PCDHGB2: variants seen among roughly 807,000 people sequenced by gnomAD.
PCDHGB2 encodes protocadherin gamma-B2.
Under a neutral mutation model 59.3 loss-of-function variants are expected in PCDHGB2, and 55 were observed. That is an observed-to-expected ratio of 0.93 (90% CI 0.75 to 1.16). The LOEUF (loss-of-function observed/expected upper bound fraction) is 1.16. PCDHGB2 is among the 50% of genes most tolerant of loss of function. The pLI is 0.00. For synonymous variants in PCDHGB2, 516 were observed against 512.0 expected (o/e 1.01, Z -0.11); for missense variants, 1,228 against 1,198.5 (o/e 1.02, Z -0.36).
At chr5:141,433,272 C>A in intron 1 of PCDHGB2, 1 of 1,252,410 alleles carries the variant, frequency 8.0e-7, no homozygotes, top group Non-Finnish European at 1.1e-6. Context: ...TAGCTCACTG[C>A]AGCCTCAAAC....
chr5:141,383,727 A>G, intron 1 of PCDHGB2: 1 of 1,614,016 alleles, frequency 6.2e-7, no homozygotes, highest in South Asian at 1.1e-5. Flanking sequence ...TCAATGGGGA[A>G]GTGACATATT....
intron 1 of PCDHGB2, among the ~76,000 whole-genome samples, chr5:141,460,135 T>G (rs2098983196): frequency 6.6e-6 from 1 of 152,044 alleles, no homozygotes; most frequent in South Asian, 2.1e-4. Flanking sequence ...ATATATATAT[T>G]CTTGATGTGA....
At chr5:141,399,949 A>G in intron 1 of PCDHGB2, 1 of 1,612,272 alleles carries the variant, frequency 6.2e-7, no homozygotes, top group Non-Finnish European at 8.5e-7. Flanking sequence ...GCTGCAGGCT[A>G]GCGAGCCCGG....
In PCDHGB2 at chr5:141,423,305, A is replaced by G. The variant is rs746680027; in HGVS notation, c.2421+60749A>G. On this transcript the variant is annotated intron_variant, in intron 1 of 3. Coordinates refer to ENST00000522605, the MANE Select transcript of PCDHGB2 (RefSeq NM_018923.3). Reference sequence around the variant, plus strand: ...TCTGAAACCTCAGACCTCTCGCTGTACTTGGTGGTGGCGGTGGCCGCAGTC... The same window carrying G: ...TCTGAAACCTCAGACCTCTCGCTGTGCTTGGTGGTGGCGGTGGCCGCAGTC... 23 of 1,613,944 alleles carry G rather than the reference A, an allele frequency of 1.4e-5. No individual in the cohort carries two copies. Among genetic ancestry groups the G allele is most frequent in the Non-Finnish European group, 1.9e-5 (22 of 1,180,004 alleles).
intron 1 of PCDHGB2, among the ~76,000 whole-genome samples, chr5:141,470,877 T>C (rs1438812002): frequency 1.3e-5 from 2 of 151,808 alleles, no homozygotes; most frequent in Non-Finnish European, 2.9e-5. Context: ...TTTGTTTTTT[T>C]GTTTTTGTTT....
At chr5:141,500,866 A>C (rs576713520) in intron 2 of PCDHGB2, among the ~76,000 whole-genome samples, 1 of 146,112 alleles carries the variant, frequency 6.8e-6, no homozygotes, top group Non-Finnish European at 1.5e-5. Context: ...AAACATACAC[A>C]TTCATTTACA....
intron 1 of PCDHGB2, chr5:141,378,927 G>C (rs2150134897): frequency 6.6e-6 from 1 of 152,318 alleles, no homozygotes; most frequent in Admixed American, 6.5e-5. Context: ...AAAGTAAGTT[G>C]ATGGCCCTGG....
At chr5:141,474,807 A>C (rs945920397) in intron 1 of PCDHGB2, among the ~76,000 whole-genome samples, 8 of 152,364 alleles carry the variant, frequency 5.3e-5, no homozygotes, top group Admixed American at 1.3e-4. Context: ...AGTGGTTTGC[A>C]TCATTAATTG....
At chr5:141,387,298 A>G (rs2090894771) in intron 1 of PCDHGB2, among the ~76,000 whole-genome samples, 1 of 152,244 alleles carries the variant, frequency 6.6e-6, no homozygotes, top group Admixed American at 6.5e-5. Context: ...AAATGTATCC[A>G]GTATATTTCT....
chr5:141,382,530 G>T (rs1043069134), intron 1 of PCDHGB2, among the ~76,000 whole-genome samples: 2 of 152,150 alleles, frequency 1.3e-5, no homozygotes, highest in Non-Finnish European at 2.9e-5. Context: ...GTCTTAAAAT[G>T]GATTTTTAAT....
chr5:141,380,771 A>G (rs1337028514), intron 1 of PCDHGB2, among the ~76,000 whole-genome samples: 1 of 152,198 alleles, frequency 6.6e-6, no homozygotes, highest in Non-Finnish European at 1.5e-5. Context: ...ATTAATTGAG[A>G]CTTTTTTAAA....
intron 1 of PCDHGB2, among the ~76,000 whole-genome samples, chr5:141,465,905 G>A (rs938438286): frequency 6.6e-6 from 1 of 151,958 alleles, no homozygotes; most frequent in Admixed American, 6.6e-5. Flanking sequence ...GGCAAATCAC[G>A]AGGTCAGGAT....
chr5:141,431,607 A>G lies in PCDHGB2; in HGVS notation c.2422-63200A>G. ...GCGGAAGTGAGGTATTCCTTCCGGT[A>G]TGTGGACGACAAGGCGGCCCAAGTT... is the stretch of plus-strand genomic sequence containing the variant. On this transcript the variant is annotated intron_variant, in intron 1 of 3. Transcript: ENST00000522605. The surrounding 1 kb of genome is among the most constrained non-coding windows in gnomAD (Gnocchi z 4.8). 6.2e-7 allele frequency: 1 copy of G among 1,614,230 alleles called. No individual in the cohort carries two copies. Among genetic ancestry groups the G allele is most frequent in the Non-Finnish European group, 8.5e-7 (1 of 1,180,040 alleles).
intron 1 of PCDHGB2, chr5:141,371,912 C>G (rs1768180129): frequency 6.2e-7 from 1 of 1,613,380 alleles, no homozygotes; most frequent in Non-Finnish European, 8.5e-7. Flanking sequence ...CCTACGTGTC[C>G]GTGAGCGCGC....
chr5:141,360,759 T>C lies in PCDHGB2; in HGVS notation c.624T>C (p.His208=). The C allele has an allele frequency of 6.2e-7, 1 of 1,613,928 alleles. No individual in the cohort carries two copies. Among genetic ancestry groups the C allele is most frequent in the Non-Finnish European group, 8.5e-7 (1 of 1,179,882 alleles). The part of the protein sequence containing the change: ...HSLDREEHSL[H]QLVLTAVDGG... The stretch of plus-strand genomic sequence containing the variant: ...TGGACAGAGAAGAGCACAGTTTACA[T>C]CAATTGGTCCTCACAGCTGTGGATG... The change falls in exon 1 of 4, where the codon CAT becomes CAC. Residue 208 remains histidine (H), a synonymous_variant. Coordinates refer to ENST00000522605, the MANE Select transcript of PCDHGB2 (RefSeq NM_018923.3).
chr5:141,409,928 G>T, intron 1 of PCDHGB2: 4 of 1,613,354 alleles, frequency 2.5e-6, no homozygotes, highest in Non-Finnish European at 2.5e-6. Flanking sequence ...CGCGTTCTTC[G>T]ATATGGTACC....
intron 1 of PCDHGB2, among the ~76,000 whole-genome samples, chr5:141,367,949 A>G (rs144686232): frequency 4.9e-4 from 75 of 152,326 alleles, no homozygotes; most frequent in African/African-American, 1.7e-3. Context: ...AAAATTTTAA[A>G]TTTCATATCT....
intron 1 of PCDHGB2, chr5:141,399,809 C>A (rs547922730): frequency 1.2e-6 from 2 of 1,613,222 alleles, no homozygotes; most frequent in Admixed American, 1.7e-5. Flanking sequence ...GTGCTGTACC[C>A]CGCGCTGGGT....
rs2095932484 is a variant in PCDHGB2, at chr5:141,415,751, T to TG, written c.2421+53195_2421+53196insG. 3.8e-6 allele frequency: 5 copies of TG among 1,328,726 alleles called. No homozygotes were observed. The African/African-American group carries it at 9.4e-5, about 25-fold the overall frequency. The allele number at this position is 1,328,726 out of a possible 1,614,324, so 82.3% of individuals were successfully genotyped here. On this transcript the variant is annotated intron_variant, in intron 1 of 3. Transcript: ENST00000522605. ...TGATGTTTATTAAGGTTTTTTTTTT[T>TG]TTTTTTTTTTTTTTTTTTTTTACTT... is the stretch of plus-strand genomic sequence containing the variant.
Sources: gnomAD v4.1 joint callset for allele counts (sites outside exome capture counted in the v4.1 genomes callset) on GRCh38, gnomAD v4.1.1 for gene constraint, Gnocchi (gnomAD v3.1) non-coding constraint, MANE v1.5 for transcripts, NCBI Gene and HGNC (gene_info 2026-07-23, HGNC 2026-07-21) for gene names.